Variants in GARRE1 observed in about 807,000 individuals in gnomAD.
The protein encoded by GARRE1 is granule associated Rac and RHOG effector protein 1.
GARRE1 carries 49 observed loss-of-function variants against 103.2 expected under a neutral mutation model. The observed-to-expected ratio is 0.47, with a 90% CI of 0.38 to 0.60. GARRE1 has a LOEUF of 0.60. GARRE1 is among the 20% of genes least tolerant of loss of function. The pLI is 0.00. For missense variants in GARRE1, 1,199 were observed against 1,370.5 expected, an observed-to-expected ratio of 0.87 and a Z score of 1.98; for synonymous variants, 505 against 532.8, an observed-to-expected ratio of 0.95 and a Z score of 0.72.
intron 3 of GARRE1, among the ~76,000 whole-genome samples, chr19:34,324,014 TTTC>T (rs772116627): frequency 8.9e-4 from 135 of 152,218 alleles, no homozygotes; most frequent in Non-Finnish European, 1.4e-3. Flanking sequence ...ACAACCATCT[TTTC>T]TTCCTTCCCC....
intron 1 of GARRE1, among the ~76,000 whole-genome samples, chr19:34,278,638 G>C (rs1241391658): frequency 6.6e-6 from 1 of 151,796 alleles, no homozygotes; most frequent in African/African-American, 2.4e-5. Flanking sequence ...GTATCTCCAA[G>C]GTTCATCCAT....
chr19:34,290,697 C>A (rs1043196367), intron 1 of GARRE1, among the ~76,000 whole-genome samples: 3 of 151,860 alleles, frequency 2.0e-5, no homozygotes, highest in Non-Finnish European at 4.4e-5. Context: ...CTGTGTTGCC[C>A]GGGCTGGTCT....
chr19:34,316,875 T>C (rs936273797), intron 2 of GARRE1, among the ~76,000 whole-genome samples: 1 of 152,222 alleles, frequency 6.6e-6, no homozygotes, highest in Non-Finnish European at 1.5e-5. Context: ...AAACACATCC[T>C]AAGTGGTGGA....
Position 34,352,877 on chromosome 19 carries a change from A to G in GARRE1, c.3135A>G (p.Ala1045=). Residue 1045 remains alanine (A), a synonymous_variant, in exon 14 of 14, where the codon GCA becomes GCG. Coordinates refer to ENST00000299505, the MANE Select transcript of GARRE1 (RefSeq NM_014686.5). ...QTPPQPPPPP[A]HKAAPKGFKA... Reference sequence around the variant, plus strand: ...CACCCCAGCCCCCACCCCCACCAGCACACAAGGCAGCACCCAAGGGCTTCA... The same window carrying G: ...CACCCCAGCCCCCACCCCCACCAGCGCACAAGGCAGCACCCAAGGGCTTCA... 1 of 1,387,300 alleles carries G rather than the reference A, an allele frequency of 7.2e-7. No individual in the cohort carries two copies. The highest frequency in any genetic ancestry group is 1.2e-5 in the South Asian group (1 of 86,132). 85.9% of individuals were successfully genotyped at this position (1,387,300 alleles called of 1,614,324 possible).
chr19:34,284,944 C>T (rs142168080), intron 1 of GARRE1, among the ~76,000 whole-genome samples: 125 of 152,232 alleles, frequency 8.2e-4, no homozygotes, highest in African/African-American at 2.9e-3. Context: ...GTAGTCCCAG[C>T]TACTGGGGAG....
At position 34,348,804 on chromosome 19, in the gene GARRE1, T is replaced by G. The variant is rs997272798; in HGVS notation, c.2688-212T>G. 3.3e-5 allele frequency: 19 copies of G among 572,826 alleles called. No homozygotes were observed. The African/African-American group carries it at 3.6e-4, about 11-fold the overall frequency. 35.5% of individuals were successfully genotyped at this position (572,826 alleles called of 1,614,324 possible). On this transcript the variant is annotated intron_variant, in intron 11 of 13. Transcript: ENST00000299505. ...TAAAACAAATTTCATATACAAACCA[T>G]AGGCTTCTTAGAGGAATAAAGGGAA...
intron 1 of GARRE1, among the ~76,000 whole-genome samples, chr19:34,262,119 G>C (rs1397438701): frequency 6.6e-6 from 1 of 151,920 alleles, no homozygotes; most frequent in Non-Finnish European, 1.5e-5. Flanking sequence ...CGAGTAGCTA[G>C]GACTACAGGT....
At chr19:34,334,697 A>C (rs1285893638) in intron 8 of GARRE1, among the ~76,000 whole-genome samples, 1 of 46,558 alleles carries the variant, frequency 2.1e-5, no homozygotes, top group South Asian at 7.3e-4. Context: ...AAACTATCTC[A>C]AAAAAAAAAA....
At chr19:34,331,764 C>G (rs2074138957) in intron 7 of GARRE1, among the ~76,000 whole-genome samples, 7 of 152,136 alleles carry the variant, frequency 4.6e-5, no homozygotes, top group Admixed American at 4.6e-4. Flanking sequence ...GAGGCCGAGG[C>G]AGGCAGATCA....
chr19:34,273,223 T>C (rs1438509874), intron 1 of GARRE1, among the ~76,000 whole-genome samples: 2 of 152,038 alleles, frequency 1.3e-5, no homozygotes, highest in African/African-American at 4.8e-5. Context: ...TAAATAAATA[T>C]GATAACATGT....
chr19:34,308,582 C>A (rs912747979), intron 2 of GARRE1, among the ~76,000 whole-genome samples: 3 of 152,084 alleles, frequency 2.0e-5, no homozygotes, highest in Non-Finnish European at 4.4e-5. Context: ...GCATTGTGGT[C>A]AACAAACATG....
intron 2 of GARRE1, among the ~76,000 whole-genome samples, chr19:34,306,633 C>T (rs1568537727): frequency 6.6e-6 from 1 of 152,212 alleles, no homozygotes; most frequent in Non-Finnish European, 1.5e-5. Flanking sequence ...CACTAGCTGA[C>T]TAGTGCCTGT....
At chr19:34,290,736 A>G (rs1014792389) in intron 1 of GARRE1, among the ~76,000 whole-genome samples, 1 of 152,024 alleles carries the variant, frequency 6.6e-6, no homozygotes, top group Admixed American at 6.6e-5. Flanking sequence ...TGATCTTTCC[A>G]GCTTGGCCTC....
chr19:34,275,243 GA>G (rs2073810335), intron 1 of GARRE1, among the ~76,000 whole-genome samples: 1 of 148,968 alleles, frequency 6.7e-6, no homozygotes, highest in African/African-American at 2.5e-5. Flanking sequence ...CAGCTTTATT[GA>G]AATATAATTC....
chr19:34,343,626 T>A (rs2074197147), intron 10 of GARRE1, among the ~76,000 whole-genome samples: 1 of 151,334 alleles, frequency 6.6e-6, no homozygotes, highest in Admixed American at 6.6e-5. Flanking sequence ...GTAGGCAGAT[T>A]GCCTGAGGCC....
At chr19:34,330,836 G>A (rs2074134369) in intron 7 of GARRE1, among the ~76,000 whole-genome samples, 1 of 149,230 alleles carries the variant, frequency 6.7e-6, no homozygotes, top group South Asian at 2.1e-4. Context: ...CTGGGCTCAA[G>A]TGATTCTCCT....
chr19:34,305,165 A>G (rs566280850), intron 2 of GARRE1, among the ~76,000 whole-genome samples: 2 of 152,258 alleles, frequency 1.3e-5, no homozygotes, highest in Admixed American at 1.3e-4. Context: ...AAACGTAAGC[A>G]GTGAAACTTC....
At chr19:34,281,256 G>A (rs934017722) in intron 1 of GARRE1, among the ~76,000 whole-genome samples, 35 of 152,142 alleles carry the variant, frequency 2.3e-4, no homozygotes, top group Non-Finnish European at 3.1e-4. Flanking sequence ...CAGTAGCTGG[G>A]ACTACAGGGA....
chr19:34,328,159 T>C lies in GARRE1; in HGVS notation c.1104+8T>C, dbSNP rs1193995621. The stretch of plus-strand genomic sequence containing the variant: ...AATCTGAAACTTAAGACGGTAGCTT[T>C]CCATGGGGTTCCAGCAAATGAGTGT... On this transcript the variant is annotated splice_region_variant and intron_variant, in intron 6 of 13. Coordinates refer to ENST00000299505, the MANE Select transcript of GARRE1 (RefSeq NM_014686.5). 1 of 1,612,572 alleles carries C rather than the reference T, an allele frequency of 6.2e-7. No individual in the cohort carries two copies. Among genetic ancestry groups the C allele is most frequent in the Non-Finnish European group, 8.5e-7 (1 of 1,179,560 alleles).
Sources: gnomAD v4.1 joint callset for allele counts (sites outside exome capture counted in the v4.1 genomes callset) on GRCh38, gnomAD v4.1.1 for gene constraint, MANE v1.5 for transcripts, NCBI Gene and HGNC (gene_info 2026-07-23, HGNC 2026-07-21) for gene names.